KIF21A: variants seen among roughly 807,000 people sequenced by gnomAD.
KIF21A encodes the protein kinesin family member 21A.
A neutral mutation model predicts 202.9 loss-of-function variants in KIF21A; 114 were observed. That is an observed-to-expected ratio of 0.56 (90% CI 0.48 to 0.66). The LOEUF is 0.66. Among genes scored for constraint, KIF21A ranks in the 30% least tolerant of loss-of-function variants. The pLI is 0.00. For synonymous variants in KIF21A, 667 were observed against 670.8 expected (o/e 0.99, Z 0.09); for missense variants, 1,677 against 1,994.9 (o/e 0.84, Z 3.04).
chr12:39,403,232 T>C (rs1952311026), intron 1 of KIF21A, among the ~76,000 whole-genome samples: 1 of 152,152 alleles, frequency 6.6e-6, no homozygotes, highest in Non-Finnish European at 1.5e-5. Flanking sequence ...GGCTAGGCAA[T>C]GAGAATACCA....
intron 1 of KIF21A, among the ~76,000 whole-genome samples, chr12:39,413,718 A>T (rs1953302479): frequency 6.6e-6 from 1 of 152,168 alleles, no homozygotes; most frequent in Admixed American, 6.5e-5. Context: ...AGGCTGCAGT[A>T]CACTATGATT....
At chr12:39,346,613 C>T (rs1947917017) in intron 11 of KIF21A, 109 bp from the exon 12 acceptor site, 1 of 628,252 alleles carries the variant, frequency 1.6e-6, no homozygotes, top group African/African-American at 1.9e-5. Flanking sequence ...AGCTTGAAGA[C>T]TTTAAAATAA....
At chr12:39,375,260 T>G (rs1238685045) in intron 1 of KIF21A, among the ~76,000 whole-genome samples, 1 of 152,168 alleles carries the variant, frequency 6.6e-6, no homozygotes, top group African/African-American at 2.4e-5. Flanking sequence ...AGGCTTATAC[T>G]TGCTACCTTT....
chr12:39,380,116 C>T (rs753841451), intron 1 of KIF21A, among the ~76,000 whole-genome samples: 10 of 152,206 alleles, frequency 6.6e-5, no homozygotes, highest in Non-Finnish European at 1.0e-4. Flanking sequence ...TACAGGAGCA[C>T]GCTGCCATGC....
chr12:39,408,251 G>A (rs889073773), intron 1 of KIF21A, among the ~76,000 whole-genome samples: 1 of 152,060 alleles, frequency 6.6e-6, no homozygotes, highest in Admixed American at 6.6e-5. Context: ...AGATCGTCAG[G>A]CATTAGATTC....
chr12:39,348,126 T>G (rs1185025253), intron 11 of KIF21A, among the ~76,000 whole-genome samples: 1 of 152,056 alleles, frequency 6.6e-6, no homozygotes, highest in Non-Finnish European at 1.5e-5. Context: ...CCTCCTAAAT[T>G]GCCTTTTTAA....
chr12:39,311,259 T>C (rs897846771), intron 32 of KIF21A, among the ~76,000 whole-genome samples, 158 bp downstream of exon 32: 1 of 152,048 alleles, frequency 6.6e-6, no homozygotes, highest in African/African-American at 2.4e-5. Context: ...GCTGCTCAAC[T>C]ATGCAATAAT....
At position 39,333,125 on chromosome 12, in the gene KIF21A, G is replaced by A. The variant is rs79846240; in HGVS notation, c.2488-18C>T. The stretch of plus-strand genomic sequence containing the variant: ...GCCGTAACCTGAAATTGCAGCAAAG[G>A]TTGACTCATTCTCTTAGTCTATAGA... On this transcript the variant is annotated intron_variant, in intron 18 of 37. Transcript: ENST00000361418. 2 of 1,610,748 alleles carry A rather than the reference G, an allele frequency of 1.2e-6. No homozygotes were observed. The highest frequency in any genetic ancestry group is 2.2e-5 in the East Asian group (1 of 44,866).
chr12:39,325,616 C>T (rs772904889), intron 26 of KIF21A, among the ~76,000 whole-genome samples: 9 of 150,908 alleles, frequency 6.0e-5, no homozygotes, highest in African/African-American at 1.2e-4. Context: ...GCTGGAATTA[C>T]AGGCATGAGC....
At position 39,358,063 on chromosome 12, in the gene KIF21A, C is replaced by A; in HGVS notation, c.1215+115G>T. On this transcript the variant is annotated intron_variant, in intron 8 of 37. Coordinates refer to ENST00000361418, the MANE Select transcript of KIF21A (RefSeq NM_001173464.2). The stretch of plus-strand genomic sequence containing the variant: ...CTCTTACCTCCAAAAGGAAGGAGGA[C>A]ACTATTATGACAACCAAGAGATTCC... 4 of 882,180 alleles carry A rather than the reference C, an allele frequency of 4.5e-6. No individual in the cohort carries two copies. In the South Asian group the frequency reaches 5.6e-5, roughly 12 times the overall value. 54.6% of individuals were successfully genotyped at this position (882,180 alleles called of 1,614,324 possible). A position where few individuals can be genotyped will look rare whatever the true frequency, so the allele number is the denominator to read the frequency against.
At position 39,357,906 on chromosome 12, in the gene KIF21A, CTCAAAAAAAAAAAAAA is replaced by C. The variant is rs1948904869; in HGVS notation, c.1215+256_1215+271del. ...CGTGGGTGATAGAGGGAGACTCCAT[CTCAAAAAAAAAAAAAA>C]AAAAAAAAAAAAAAAAAAAAAAAAA... On this transcript the variant is annotated intron_variant, in intron 8 of 37. Transcript: ENST00000361418. Among the ~76,000 whole-genome samples, 4 of 27,616 alleles carry C rather than the reference CTCAAAAAAAAAAAAAA, an allele frequency of 1.4e-4. No individual in the cohort carries two copies. The East Asian group carries it at 3.4e-3, about 23-fold the overall frequency. 18.1% of individuals were successfully genotyped at this position (27,616 alleles called of 152,430 possible).
intron 1 of KIF21A, among the ~76,000 whole-genome samples, chr12:39,382,067 A>C (rs916420663): frequency 1.2e-4 from 19 of 152,198 alleles, no homozygotes; most frequent in African/African-American, 3.6e-4. Context: ...CATCTTTTAA[A>C]ATTATGTATT....
At position 39,330,600 on chromosome 12, in the gene KIF21A, C is replaced by A. The variant is rs1238829451; in HGVS notation, c.3319+146G>T. 3.9e-6 allele frequency: 3 copies of A among 775,012 alleles called. No homozygotes were observed. In the African/African-American group the frequency reaches 5.3e-5, roughly 14 times the overall value. 48.0% of individuals were successfully genotyped at this position (775,012 alleles called of 1,614,324 possible). On this transcript the variant is annotated intron_variant, in intron 23 of 37. Transcript: ENST00000361418. ...ATTACCTCGCCAAAATGTACACATG[C>A]AAATTAAAGAAAGAATAATTATTAA...
At chr12:39,362,268 C>T (rs995278147) in intron 7 of KIF21A, among the ~76,000 whole-genome samples, 7 of 152,024 alleles carry the variant, frequency 4.6e-5, no homozygotes, top group African/African-American at 9.7e-5. Flanking sequence ...AGTGCAAGAA[C>T]GAACTAACAC....
intron 1 of KIF21A, among the ~76,000 whole-genome samples, chr12:39,392,674 T>C (rs560390177): frequency 6.6e-6 from 1 of 150,514 alleles, no homozygotes; most frequent in South Asian, 2.1e-4. Flanking sequence ...GACAAGGAGG[T>C]AGTTGGTGCT....
At chr12:39,416,826 C>CAT (rs1179481100) in intron 1 of KIF21A, among the ~76,000 whole-genome samples, 122 of 124,400 alleles carry the variant, frequency 9.8e-4, no homozygotes, top group Admixed American at 1.1e-3. Context: ...TATATATGTA[C>CAT]ATATATGTGT....
In KIF21A at chr12:39,318,179, C is replaced by T; in HGVS notation, c.3802G>A (p.Ala1268Thr). The change falls in exon 29 of 38, where the codon GCT (alanine) becomes ACT (threonine). Residue 1268 changes from alanine (A) to threonine (T), a missense_variant. Ala to Thr is a moderately conservative substitution (Grantham distance 58). Coordinates refer to ENST00000361418, the MANE Select transcript of KIF21A (RefSeq NM_001173464.2). ...GGGGAAGAAGGAGGTGAAAGACTAG[C>T]CTCTGAAGTTCCAGAATCTGAGCTA... is the stretch of plus-strand genomic sequence containing the variant. ...QKHSDSGTSEASLSPPSSPPS... is the reference protein window; with the variant it reads ...QKHSDSGTSETSLSPPSSPPS... The T allele has an allele frequency of 1.2e-6, 2 of 1,613,420 alleles. No individual in the cohort carries two copies. The highest frequency in any genetic ancestry group is 1.7e-6 in the Non-Finnish European group (2 of 1,179,544).
intron 23 of KIF21A, 61 bp from the exon 24 acceptor site, chr12:39,330,323 G>A (rs756557412): frequency 2.1e-6 from 3 of 1,452,168 alleles, no homozygotes; most frequent in Admixed American, 3.4e-5. Flanking sequence ...CAGATCCAAT[G>A]TTAAAAACTC....
intron 17 of KIF21A, among the ~76,000 whole-genome samples, chr12:39,335,860 A>G (rs1391870893): frequency 6.6e-6 from 1 of 152,210 alleles, no homozygotes; most frequent in African/African-American, 2.4e-5. Context: ...AGAAATAAAC[A>G]TAACCAAAAT....
Sources: gnomAD v4.1 joint callset for allele counts (sites outside exome capture counted in the v4.1 genomes callset) on GRCh38, gnomAD v4.1.1 for gene constraint, MANE v1.5 for transcripts, NCBI Gene and HGNC (gene_info 2026-07-23, HGNC 2026-07-21) for gene names.